FGF12: variants seen among roughly 807,000 people sequenced by gnomAD.
FGF12 encodes the protein fibroblast growth factor 12.
A neutral mutation model predicts 23.6 loss-of-function variants in FGF12; 14 were observed. The ratio of observed to expected loss-of-function variants is 0.59; its 90% CI spans 0.39 to 0.93. FGF12 has a LOEUF of 0.93. Ranked by LOEUF, FGF12 falls within the 40% of genes least tolerant of loss-of-function variation. The probability of loss-of-function intolerance (pLI) is 0.00; values close to 1 mark genes in which losing one functional copy is unlikely to be tolerated. For missense variants in FGF12, 175 were observed against 217.8 expected (o/e 0.80, Z 1.24); for synonymous variants, 62 against 77.3 (o/e 0.80, Z 1.04).
chr3:192,399,944 G>A (rs193082315), intron 2 of FGF12, among the ~76,000 whole-genome samples: 13 of 152,310 alleles, frequency 8.5e-5, no homozygotes, highest in African/African-American at 3.1e-4. Flanking sequence ...GAGGAGTGGT[G>A]GTTACAAGAC....
intron 4 of FGF12, among the ~76,000 whole-genome samples, chr3:192,324,325 G>A (rs938580813): frequency 3.7e-4 from 57 of 152,162 alleles, no homozygotes; most frequent in African/African-American, 1.3e-3. Flanking sequence ...GGCAAAGCAG[G>A]AACCAGCACT....
chr3:192,322,743 T>C (rs981439787), intron 4 of FGF12, among the ~76,000 whole-genome samples: 6 of 152,006 alleles, frequency 3.9e-5, no homozygotes, highest in Admixed American at 2.6e-4. Context: ...AGAACATACA[T>C]TGGGGAAAGG....
chr3:192,260,724 A>G (rs1394509790), intron 4 of FGF12, among the ~76,000 whole-genome samples: 1 of 152,098 alleles, frequency 6.6e-6, no homozygotes, highest in Non-Finnish European at 1.5e-5. Flanking sequence ...TCCTGCTTCT[A>G]TGGAGGGAGG....
At chr3:192,486,845 T>A (rs950171627) in intron 2 of FGF12, among the ~76,000 whole-genome samples, 1 of 152,124 alleles carries the variant, frequency 6.6e-6, no homozygotes, top group Non-Finnish European at 1.5e-5. Flanking sequence ...CGACCTCTTT[T>A]ATTCAGAGCC....
chr3:192,714,894 T>C (rs190515169), intron 2 of FGF12, among the ~76,000 whole-genome samples: 211 of 152,282 alleles, frequency 1.4e-3, no homozygotes, highest in Non-Finnish European at 2.6e-4. Context: ...TACTAGTCTA[T>C]AAGTTTCAAC....
intron 4 of FGF12, among the ~76,000 whole-genome samples, chr3:192,315,594 G>A (rs145965164): frequency 0.013 from 1,992 of 152,110 alleles, 39 homozygotes; most frequent in African/African-American, 0.044. Context: ...ATCCTAGGGG[G>A]AAAAAATAAG....
rs188040612 is a variant in FGF12, at chr3:192,463,244, C to T, written c.14-102706G>A. Among the ~76,000 whole-genome samples, 478 of 152,092 alleles carry T rather than the reference C, an allele frequency of 3.1e-3. 1 individual carries two copies. Among genetic ancestry groups the T allele is most frequent in the Non-Finnish European group, 5.1e-3 (344 of 68,002 alleles). The stretch of plus-strand genomic sequence containing the variant: ...GACCAGCCTGGACAACGTGGCAAAA[C>T]CCCATTTCTACTAAAAATACAAAAA... On this transcript the variant is annotated intron_variant, in intron 2 of 5. Transcript: ENST00000445105.
At chr3:192,724,720 A>C (rs1368963667) in intron 2 of FGF12, among the ~76,000 whole-genome samples, 1 of 152,188 alleles carries the variant, frequency 6.6e-6, no homozygotes, top group Non-Finnish European at 1.5e-5. Context: ...CAAAGTTGTA[A>C]ATAAGGAAGC....
intron 4 of FGF12, among the ~76,000 whole-genome samples, chr3:192,297,745 T>C (rs1200741966): frequency 2.0e-5 from 3 of 152,330 alleles, no homozygotes; most frequent in Admixed American, 1.3e-4. Context: ...CATTTTGAAA[T>C]AGAATCTCTA....
At chr3:192,665,100 G>A (rs1290540895) in intron 2 of FGF12, among the ~76,000 whole-genome samples, 3 of 152,162 alleles carry the variant, frequency 2.0e-5, no homozygotes, top group African/African-American at 7.2e-5. Flanking sequence ...TTCTGTATTA[G>A]AGAGATTGAG....
At chr3:192,411,678 T>C (rs1253641959) in intron 2 of FGF12, among the ~76,000 whole-genome samples, 2 of 152,240 alleles carry the variant, frequency 1.3e-5, no homozygotes, top group Admixed American at 1.3e-4. Flanking sequence ...TGTCTCATTC[T>C]TGAGCAAGGC....
At chr3:192,461,815 C>T (rs1722870022) in intron 2 of FGF12, among the ~76,000 whole-genome samples, 2 of 151,850 alleles carry the variant, frequency 1.3e-5, no homozygotes. Context: ...ATGTTGAAAC[C>T]CCGTCTCTAC....
At chr3:192,508,528 G>C (rs1277021639) in intron 2 of FGF12, among the ~76,000 whole-genome samples, 9 of 152,148 alleles carry the variant, frequency 5.9e-5, no homozygotes, top group African/African-American at 2.2e-4. Context: ...ACCTTTCTAA[G>C]AAGCTGATTT....
rs148761148 is a variant in FGF12 at position 192,490,510 on chromosome 3, T to C, written c.14-129972A>G. On this transcript the variant is annotated intron_variant, in intron 2 of 5. Coordinates refer to ENST00000445105, the MANE Select transcript of FGF12 (RefSeq NM_004113.6). ...ATGTGTATGTATGTGTATACACACA[T>C]ATGTATACATTCACAAATATACACA... is the stretch of plus-strand genomic sequence containing the variant. 1.4e-4 allele frequency among the ~76,000 whole-genome samples: 21 copies of C among 151,480 alleles called. No homozygotes were observed. In the East Asian group the frequency reaches 3.9e-3, roughly 28 times the overall value.
At chr3:192,609,294 A>T (rs113669022) in intron 2 of FGF12, among the ~76,000 whole-genome samples, 1 of 152,064 alleles carries the variant, frequency 6.6e-6, no homozygotes, top group Non-Finnish European at 1.5e-5. Context: ...CCTGAAGCCA[A>T]TCATAAACGG....
intron 2 of FGF12, among the ~76,000 whole-genome samples, chr3:192,467,681 C>A (rs1723051778): frequency 6.6e-6 from 1 of 152,150 alleles, no homozygotes; most frequent in Non-Finnish European, 1.5e-5. Context: ...GAATTCCTAG[C>A]AATAGAAGAT....
intron 2 of FGF12, among the ~76,000 whole-genome samples, chr3:192,459,539 T>C (rs532053112): frequency 4.6e-5 from 7 of 152,350 alleles, no homozygotes; most frequent in East Asian, 1.9e-4. Flanking sequence ...TCCATGTCTA[T>C]GGCTACATTC....
chr3:192,490,513 G>A (rs114655379), intron 2 of FGF12, among the ~76,000 whole-genome samples: 9,376 of 151,608 alleles, frequency 0.062, 989 homozygotes, highest in African/African-American at 0.22. Flanking sequence ...ACACACATAT[G>A]TATACATTCA....
intron 2 of FGF12, among the ~76,000 whole-genome samples, chr3:192,562,237 G>A (rs1712074146): frequency 6.6e-6 from 1 of 152,094 alleles, no homozygotes; most frequent in African/African-American, 2.4e-5. Flanking sequence ...GTTGTGGGTG[G>A]GTGGGGAAGA....
Sources: gnomAD v4.1 joint callset for allele counts (sites outside exome capture counted in the v4.1 genomes callset) on GRCh38, gnomAD v4.1.1 for gene constraint, MANE v1.5 for transcripts, NCBI Gene and HGNC (gene_info 2026-07-23, HGNC 2026-07-21) for gene names.